Variants in MYO18B observed in about 807,000 individuals in gnomAD.
MYO18B encodes the protein myosin XVIIIB.
MYO18B carries 204 observed loss-of-function variants against 273.0 expected under a neutral mutation model. The ratio of observed to expected loss-of-function variants is 0.75; its 90% CI spans 0.67 to 0.84. The LOEUF (loss-of-function observed/expected upper bound fraction) is 0.84. MYO18B is among the 40% of genes least tolerant of loss of function. The pLI is 0.00. For missense variants in MYO18B, 3,212 were observed against 3,287.6 expected (o/e 0.98, Z 0.56); for synonymous variants, 1,330 against 1,305.7 (o/e 1.02, Z -0.40).
rs1191232425 is a variant in MYO18B at position 26,030,793 on chromosome 22, A to G, written c.*363A>G. ...TTCTCTTCCTACATGTCTACATGCC[A>G]TGACCTTCCTCCTCCTCTTCACTTG... On this transcript the variant is annotated 3_prime_UTR_variant, in exon 44 of 44. Transcript: ENST00000335473. 1.0e-5 allele frequency: 4 copies of G among 396,154 alleles called. No homozygotes were observed. The highest frequency in any genetic ancestry group is 1.8e-5 in the Non-Finnish European group (4 of 225,052). 24.5% of individuals were successfully genotyped at this position (396,154 alleles called of 1,614,324 possible). A position where few individuals can be genotyped will look rare whatever the true frequency, so the allele number is the denominator to read the frequency against.
At chr22:25,816,080 A>C (rs1366026863) in intron 12 of MYO18B, among the ~76,000 whole-genome samples, 4 of 152,232 alleles carry the variant, frequency 2.6e-5, no homozygotes, top group Admixed American at 6.5e-5. Context: ...ACCTGGAAGG[A>C]GCCCTAAGAA....
chr22:26,021,725 C>A (rs549620650), intron 42 of MYO18B, among the ~76,000 whole-genome samples: 1 of 152,290 alleles, frequency 6.6e-6, no homozygotes, highest in Non-Finnish European at 1.5e-5. Context: ...GTGGTGAAAC[C>A]AGACTTGGTT....
chr22:25,772,564 G>A (rs1259510757), intron 7 of MYO18B, 54 bp downstream of exon 7: 4 of 1,536,754 alleles, frequency 2.6e-6, no homozygotes, highest in Non-Finnish European at 2.6e-6. Context: ...GGGGGGCCTG[G>A]GGGGATCCCT....
intron 34 of MYO18B, among the ~76,000 whole-genome samples, chr22:25,941,304 C>G (rs550514036): frequency 6.6e-6 from 1 of 152,116 alleles, no homozygotes; most frequent in South Asian, 2.1e-4. Flanking sequence ...TACTCAGAGT[C>G]GAAAGGTGGG....
Position 25,972,105 on chromosome 22 carries a change from A to T in MYO18B, c.6156+16741A>T, listed in dbSNP as rs541938800. Among the ~76,000 whole-genome samples, 21 of 150,762 alleles carry T rather than the reference A, an allele frequency of 1.4e-4. No individual in the cohort carries two copies. The East Asian group carries it at 3.7e-3, about 26-fold the overall frequency. ...ATTCCAGCCTGGGTGACAGAGTGAG[A>T]CTGTCTCAAAAAAAAAAATACATAC... is the stretch of plus-strand genomic sequence containing the variant. On this transcript the variant is annotated intron_variant, in intron 39 of 43. Coordinates refer to ENST00000335473, the MANE Select transcript of MYO18B (RefSeq NM_032608.7).
At chr22:25,923,483 T>C (rs570438783) in intron 34 of MYO18B, among the ~76,000 whole-genome samples, 1 of 152,288 alleles carries the variant, frequency 6.6e-6, no homozygotes, top group African/African-American at 2.4e-5. Context: ...ATTTTACAGA[T>C]GAGAAAATGT....
intron 26 of MYO18B, 29 bp from the exon 27 acceptor site, chr22:25,891,275 T>C (rs1355316999): frequency 1.1e-5 from 16 of 1,461,016 alleles, no homozygotes; most frequent in Non-Finnish European, 1.4e-5. Context: ...TGTCCAGCTC[T>C]AGTTTAGACC....
intron 40 of MYO18B, among the ~76,000 whole-genome samples, chr22:26,001,636 G>C (rs1933958892): frequency 6.6e-6 from 1 of 152,212 alleles, no homozygotes; most frequent in South Asian, 2.1e-4. Flanking sequence ...CATGGGATAG[G>C]GAACCCATTG....
intron 25 of MYO18B, among the ~76,000 whole-genome samples, chr22:25,886,400 A>G (rs1390058520): frequency 6.6e-6 from 1 of 152,272 alleles, no homozygotes; most frequent in South Asian, 2.1e-4. Flanking sequence ...ATGAGACTGA[A>G]GCCATGGCTT....
Position 25,924,639 on chromosome 22 carries a change from G to A in MYO18B, c.5517+3230G>A, listed in dbSNP as rs180771918. 5.1e-4 allele frequency among the ~76,000 whole-genome samples: 77 copies of A among 152,316 alleles called. 1 individual carries two copies. The highest frequency in any genetic ancestry group is 1.4e-3 in the Admixed American group (22 of 15,304). On this transcript the variant is annotated intron_variant, in intron 34 of 43. Coordinates refer to ENST00000335473, the MANE Select transcript of MYO18B (RefSeq NM_032608.7). Reference sequence around the variant, plus strand: ...GAAATAGGCAGGGACCAGAACATACGGGGCCTGGAAGTTTGGATTTTATCC... The same window carrying A: ...GAAATAGGCAGGGACCAGAACATACAGGGCCTGGAAGTTTGGATTTTATCC...
In MYO18B at chr22:25,920,696, A is replaced by C. The variant is rs748249937; in HGVS notation, c.5365-561A>C. On this transcript the variant is annotated intron_variant, in intron 33 of 43. Transcript: ENST00000335473. ...TTTACAATTTACTGAGGTGTAACACAAATACAGAGTACTCCGTATCCCACG... is the reference window on the plus strand; with the variant it reads ...TTTACAATTTACTGAGGTGTAACACCAATACAGAGTACTCCGTATCCCACG... Among the ~76,000 whole-genome samples the C allele has an allele frequency of 2.6e-5, 4 of 152,382 alleles. No homozygotes were observed. The South Asian group carries it at 6.2e-4, about 24-fold the overall frequency.
intron 11 of MYO18B, among the ~76,000 whole-genome samples, chr22:25,788,816 G>A (rs940867184): frequency 6.6e-5 from 10 of 152,058 alleles, no homozygotes; most frequent in African/African-American, 2.2e-4. Flanking sequence ...ACTCACTGGC[G>A]ACAGTGGAGT....
At chr22:25,952,496 C>T in intron 38 of MYO18B, 73 bp downstream of exon 38, 1 of 1,564,166 alleles carries the variant, frequency 6.4e-7, no homozygotes, top group East Asian at 2.3e-5. Flanking sequence ...ATCCATCCTT[C>T]TACTACTCAT....
intron 38 of MYO18B, among the ~76,000 whole-genome samples, chr22:25,954,126 C>T (rs1219334894): frequency 1.3e-5 from 2 of 152,136 alleles, no homozygotes; most frequent in Admixed American, 6.5e-5. Context: ...CCATCAGGAT[C>T]GATTGGTTCC....
At chr22:26,025,167 C>G (rs1162059949) in intron 42 of MYO18B, among the ~76,000 whole-genome samples, 1 of 152,206 alleles carries the variant, frequency 6.6e-6, no homozygotes, top group African/African-American at 2.4e-5. Context: ...TCAGCCCCCA[C>G]CTATTTCCCT....
chr22:25,930,116 T>C (rs957778141), intron 34 of MYO18B, among the ~76,000 whole-genome samples: 3 of 152,154 alleles, frequency 2.0e-5, no homozygotes, highest in African/African-American at 7.2e-5. Flanking sequence ...CTTCTTTCAC[T>C]GATCCCTCTT....
At chr22:25,747,781 C>T (rs1169556431) in intron 1 of MYO18B, among the ~76,000 whole-genome samples, 4 of 152,298 alleles carry the variant, frequency 2.6e-5, no homozygotes, top group African/African-American at 9.6e-5. Context: ...ATAGCTGCTG[C>T]CAAGGACATG....
intron 20 of MYO18B, among the ~76,000 whole-genome samples, chr22:25,848,735 T>TCTC (rs1274559046): frequency 1.3e-5 from 2 of 152,156 alleles, no homozygotes; most frequent in Non-Finnish European, 2.9e-5. Context: ...TGCCTCTCAG[T>TCTC]CTCCAAAGGC....
chr22:25,935,508 A>G (rs2092565330), intron 34 of MYO18B, among the ~76,000 whole-genome samples: 1 of 151,948 alleles, frequency 6.6e-6, no homozygotes, highest in Admixed American at 6.6e-5. Context: ...TATAGGAAAC[A>G]TTGGGTGAGG....
Sources: allele counts gnomAD v4.1 joint callset (sites outside exome capture counted in the v4.1 genomes callset), GRCh38; gene constraint gnomAD v4.1.1; transcripts MANE v1.5; gene names NCBI Gene and HGNC (gene_info 2026-07-23, HGNC 2026-07-21).